Variants in SV2B observed in about 807,000 individuals in gnomAD.
SV2B encodes synaptic vesicle glycoprotein 2B.
SV2B carries 41 observed loss-of-function variants against 73.9 expected under a neutral mutation model. The ratio of observed to expected loss-of-function variants is 0.56; its 90% CI spans 0.43 to 0.72. The LOEUF (loss-of-function observed/expected upper bound fraction) is 0.72. Among genes scored for constraint, SV2B ranks in the 30% least tolerant of loss-of-function variants. The pLI, the probability that SV2B is intolerant of heterozygous loss-of-function variation, is 0.00. For missense variants in SV2B, 764 were observed against 857.8 expected (o/e 0.89, Z 1.37); for synonymous variants, 314 against 314.2 (o/e 1.00, Z 0.01).
Position 91,140,959 on chromosome 15 carries a change from A to G in SV2B, c.-392+40596A>G, listed in dbSNP as rs908879727. 6.6e-6 allele frequency among the ~76,000 whole-genome samples: 1 copy of G among 152,102 alleles called. No homozygotes were observed. The highest frequency in any genetic ancestry group is 1.5e-5 in the Non-Finnish European group (1 of 68,024). On this transcript the variant is annotated intron_variant, in intron 1 of 12. Transcript: ENST00000394232. This position sits in a 1 kb window ranked among gnomAD's most constrained non-coding sequence, Gnocchi z 4.4. The stretch of plus-strand genomic sequence containing the variant: ...CTCAGATGAACATATGTTAACACTA[A>G]GATTCTCCACACTTCCTCCAACTTC...
rs1489169784 is a variant in SV2B, at chr15:91,122,819, G to A, written c.-392+22456G>A. 3.3e-5 allele frequency among the ~76,000 whole-genome samples: 5 copies of A among 152,204 alleles called. No homozygotes were observed. The highest frequency in any genetic ancestry group is 1.2e-4 in the African/African-American group (5 of 41,444). On this transcript the variant is annotated intron_variant, in intron 1 of 12. Coordinates refer to ENST00000394232, the MANE Select transcript of SV2B (RefSeq NM_001323032.3). This position sits in a 1 kb window ranked among gnomAD's most constrained non-coding sequence, Gnocchi z 4.3. ...ATCTAAAAAAGTTGAGCTCATCGAA[G>A]TAGAGAGTGGAATGGTAGTTACCAG... is the stretch of plus-strand genomic sequence containing the variant.
intron 1 of SV2B, among the ~76,000 whole-genome samples, chr15:91,144,665 T>G (rs894514166): frequency 6.6e-6 from 1 of 152,190 alleles, no homozygotes. Flanking sequence ...CACCAAACCA[T>G]TTGCATTTCA....
chr15:91,213,914 G>C (rs2045945639), intron 1 of SV2B, among the ~76,000 whole-genome samples: 2 of 152,148 alleles, frequency 1.3e-5, no homozygotes, highest in Admixed American at 1.3e-4. Flanking sequence ...CCCCCAAAAG[G>C]AGGCTTTTTC....
At chr15:91,206,890 G>A (rs1238134254) in intron 1 of SV2B, among the ~76,000 whole-genome samples, 1 of 152,066 alleles carries the variant, frequency 6.6e-6, no homozygotes, top group Non-Finnish European at 1.5e-5. Context: ...TCTTTTATTT[G>A]GACACATCAT....
At position 91,237,569 on chromosome 15, in the gene SV2B, A is replaced by G. The variant is rs148804906; in HGVS notation, c.451+10855A>G. On this transcript the variant is annotated intron_variant, in intron 2 of 12. Coordinates refer to ENST00000394232, the MANE Select transcript of SV2B (RefSeq NM_001323032.3). ...CTATGGATGAGTCATGGGCATATAC[A>G]TTTTTTAATAGCTCCATAGTGACAC... Among the ~76,000 whole-genome samples, 10 of 152,332 alleles carry G rather than the reference A, an allele frequency of 6.6e-5. No homozygotes were observed. The East Asian group carries it at 1.7e-3, about 26-fold the overall frequency.
rs1224604448 is a variant in SV2B, at chr15:91,267,721, T to C, written c.1208+78T>C. 2 of 1,188,880 alleles carry C rather than the reference T, an allele frequency of 1.7e-6. No homozygotes were observed. The highest frequency in any genetic ancestry group is 2.0e-5 in the Admixed American group (1 of 50,760). 73.6% of individuals were successfully genotyped at this position (1,188,880 alleles called of 1,614,324 possible). A position where few individuals can be genotyped will look rare whatever the true frequency, so the allele number is the denominator to read the frequency against. ...TTTACACATTGAGGATTACAGTGAG[T>C]TCTGACTTAGAATTTGTATCAGGTA... On this transcript the variant is annotated intron_variant, in intron 8 of 12. Coordinates refer to ENST00000394232, the MANE Select transcript of SV2B (RefSeq NM_001323032.3). This position sits in a 1 kb window ranked among gnomAD's most constrained non-coding sequence, Gnocchi z 4.3.
At position 91,230,244 on chromosome 15, in the gene SV2B, T is replaced by TA. The variant is rs199512896; in HGVS notation, c.451+3547dup. 6.1e-3 allele frequency among the ~76,000 whole-genome samples: 790 copies of TA among 129,818 alleles called. 1 individual carries two copies. Among genetic ancestry groups the TA allele is most frequent in the African/African-American group, 0.015 (537 of 35,192 alleles). The allele number at this position is 129,818 out of a possible 152,430, so 85.2% of individuals were successfully genotyped here. A position where few individuals can be genotyped will look rare whatever the true frequency, so the allele number is the denominator to read the frequency against. On this transcript the variant is annotated intron_variant, in intron 2 of 12. Transcript: ENST00000394232. ...TGAAAGAGTGACACCTTGTCTCATT[T>TA]AAAAAAAAAAAAAAAAAGAAAAGAA...
chr15:91,167,574 T>A (rs2043960186), intron 1 of SV2B, among the ~76,000 whole-genome samples: 1 of 152,210 alleles, frequency 6.6e-6, no homozygotes, highest in Non-Finnish European at 1.5e-5. Context: ...CACACCTCTT[T>A]TTTGTCTGAT....
intron 1 of SV2B, among the ~76,000 whole-genome samples, chr15:91,171,819 A>C (rs1040832712): frequency 6.6e-6 from 1 of 152,022 alleles, no homozygotes; most frequent in Admixed American, 6.6e-5. Context: ...TGTTCCATGG[A>C]GTGTTTGAAA....
At chr15:91,185,523 G>T (rs1041548907) in intron 1 of SV2B, among the ~76,000 whole-genome samples, 1 of 152,166 alleles carries the variant, frequency 6.6e-6, no homozygotes, top group Non-Finnish European at 1.5e-5. Context: ...TATATTAGAA[G>T]ATTGTATGTT....
intron 11 of SV2B, among the ~76,000 whole-genome samples, chr15:91,286,357 C>T (rs1434507980): frequency 6.6e-6 from 1 of 152,162 alleles, no homozygotes; most frequent in Non-Finnish European, 1.5e-5. Flanking sequence ...CTGCTGGGCT[C>T]TTTGTAGTGT....
chr15:91,184,900 A>C (rs1176999519), intron 1 of SV2B, among the ~76,000 whole-genome samples: 1 of 152,228 alleles, frequency 6.6e-6, no homozygotes, highest in Non-Finnish European at 1.5e-5. Context: ...ATGTATACCT[A>C]GTGTACTAAT....
chr15:91,156,911 C>T (rs187907470), intron 1 of SV2B, among the ~76,000 whole-genome samples: 15 of 152,264 alleles, frequency 9.9e-5, no homozygotes, highest in Admixed American at 2.6e-4. Context: ...TTTGTTTTTA[C>T]GTAAAGTGTC....
intron 1 of SV2B, among the ~76,000 whole-genome samples, chr15:91,199,966 C>T (rs1353707728): frequency 1.3e-5 from 2 of 152,210 alleles, no homozygotes; most frequent in Non-Finnish European, 2.9e-5. Flanking sequence ...CGCAGAGAGG[C>T]AAGCTCCTAC....
intron 1 of SV2B, among the ~76,000 whole-genome samples, chr15:91,166,704 A>T (rs1270816800): frequency 6.6e-6 from 1 of 152,072 alleles, no homozygotes; most frequent in Non-Finnish European, 1.5e-5. Context: ...TTTCAAGTTC[A>T]TCAGCTCTTT....
intron 1 of SV2B, among the ~76,000 whole-genome samples, chr15:91,163,517 A>T (rs563678841): frequency 3.3e-5 from 5 of 152,334 alleles, no homozygotes; most frequent in African/African-American, 7.2e-5. Flanking sequence ...ATGGCCAGTG[A>T]TGATGAGCAT....
Position 91,240,545 on chromosome 15 carries a change from A to G in SV2B, c.452-11274A>G, listed in dbSNP as rs112950847. 9.6e-3 allele frequency among the ~76,000 whole-genome samples: 1,459 copies of G among 152,248 alleles called. 23 individuals are homozygous for G. The highest frequency in any genetic ancestry group is 0.034 in the African/African-American group (1,421 of 41,516). ...GAAAAAGGCTAAAAAACCCCAAAAA[A>G]CCAAGATGGCTCTCTCTGACCTCCA... On this transcript the variant is annotated intron_variant, in intron 2 of 12. Transcript: ENST00000394232. This position sits in a 1 kb window ranked among gnomAD's most constrained non-coding sequence, Gnocchi z 4.6.
chr15:91,237,749 A>G (rs1645662046), intron 2 of SV2B, among the ~76,000 whole-genome samples: 1 of 151,814 alleles, frequency 6.6e-6, no homozygotes, highest in South Asian at 2.1e-4. Flanking sequence ...GCTGTATTAA[A>G]AAGTAGGAAC....
chr15:91,112,843 G>T (rs996059822), intron 1 of SV2B, among the ~76,000 whole-genome samples: 2 of 152,092 alleles, frequency 1.3e-5, no homozygotes, highest in African/African-American at 4.8e-5. Context: ...TAGAGACAGG[G>T]TCTTGCTCTG....
Sources: gnomAD v4.1 joint callset for allele counts (sites outside exome capture counted in the v4.1 genomes callset) on GRCh38, gnomAD v4.1.1 for gene constraint, Gnocchi (gnomAD v3.1) non-coding constraint, MANE v1.5 for transcripts, NCBI Gene and HGNC (gene_info 2026-07-23, HGNC 2026-07-21) for gene names.